GLP2R: variants seen among roughly 807,000 people sequenced by gnomAD.
The protein encoded by GLP2R is glucagon like peptide 2 receptor.
GLP2R carries 59 observed loss-of-function variants against 68.2 expected under a neutral mutation model. The observed-to-expected ratio is 0.87, with a 90% confidence interval of 0.70 to 1.07. The LOEUF (loss-of-function observed/expected upper bound fraction) is 1.07, where lower values mean the gene tolerates loss of function less well. GLP2R is among the 50% of genes least tolerant of loss of function. GLP2R has a pLI of 0.00. For missense variants in GLP2R, 548 were observed against 677.4 expected, an observed-to-expected ratio of 0.81 and a Z score of 2.12; for synonymous variants, 270 against 265.4, an observed-to-expected ratio of 1.02 and a Z score of -0.17.
chr17:9,881,880 A>G (rs900867585), intron 11 of GLP2R, among the ~76,000 whole-genome samples: 4 of 152,202 alleles, frequency 2.6e-5, no homozygotes, highest in African/African-American at 4.8e-5. Flanking sequence ...GCAGGTCTTC[A>G]TAGAGTAGTT....
Position 9,859,575 on chromosome 17 carries a change from G to A in GLP2R, c.766-367G>A, listed in dbSNP as rs575361170. ...TGGGAGGCCAGGGCGGGTGGATCACGAGGTCAGGAGATCGAGACCATCCTG... is the reference window on the plus strand; with the variant it reads ...TGGGAGGCCAGGGCGGGTGGATCACAAGGTCAGGAGATCGAGACCATCCTG... On this transcript the variant is annotated intron_variant, in intron 6 of 12. Transcript: ENST00000262441. 5.3e-5 allele frequency among the ~76,000 whole-genome samples: 8 copies of A among 151,494 alleles called. No individual in the cohort carries two copies. The South Asian group carries it at 6.2e-4, about 12-fold the overall frequency.
Position 9,840,252 on chromosome 17 carries a change from G to A in GLP2R, c.383-2243G>A, listed in dbSNP as rs562128100. On this transcript the variant is annotated intron_variant, in intron 3 of 12. Coordinates refer to ENST00000262441, the MANE Select transcript of GLP2R (RefSeq NM_004246.3). ...GGCCTCCCAAAATGCTGGGATTACA[G>A]GCGTGAGCCACCGCACCCGGCCTCT... 1.7e-3 allele frequency among the ~76,000 whole-genome samples: 264 copies of A among 152,348 alleles called. 2 individuals are homozygous for A. The highest frequency in any genetic ancestry group is 6.1e-3 in the African/African-American group (253 of 41,590).
intron 3 of GLP2R, among the ~76,000 whole-genome samples, chr17:9,840,570 C>T (rs2066777110): frequency 6.6e-6 from 1 of 152,224 alleles, no homozygotes; most frequent in South Asian, 2.1e-4. Context: ...GGCTTACATT[C>T]TTGCAGGAGA....
chr17:9,868,626 G>A (rs1486738180), intron 9 of GLP2R, among the ~76,000 whole-genome samples: 1 of 152,104 alleles, frequency 6.6e-6, no homozygotes, highest in Non-Finnish European at 1.5e-5. Flanking sequence ...TTGTCTTCTT[G>A]GAAGCCCAGA....
chr17:9,880,630 C>T lies in GLP2R; in HGVS notation c.1284+114C>T, dbSNP rs2067186701. Reference sequence around the variant, plus strand: ...GATGAAAATAGAATTGTAGCATCAGCAGCCTTTATCAGTAAGGGCCCTTGG... The same window carrying T: ...GATGAAAATAGAATTGTAGCATCAGTAGCCTTTATCAGTAAGGGCCCTTGG... On this transcript the variant is annotated intron_variant, in intron 11 of 12. Coordinates refer to ENST00000262441, the MANE Select transcript of GLP2R (RefSeq NM_004246.3). 11 of 668,766 alleles carry T rather than the reference C, an allele frequency of 1.6e-5. No homozygotes were observed. The East Asian group carries it at 2.7e-4, about 16-fold the overall frequency. The allele number at this position is 668,766 out of a possible 1,614,324, so 41.4% of individuals were successfully genotyped here. A position where few individuals can be genotyped will look rare whatever the true frequency, so the allele number is the denominator to read the frequency against.
chr17:9,858,478 A>G (rs1251303089), intron 6 of GLP2R, among the ~76,000 whole-genome samples: 3 of 152,222 alleles, frequency 2.0e-5, no homozygotes, highest in Non-Finnish European at 4.4e-5. Flanking sequence ...TGGGGATCAA[A>G]TTTGTGCTAG....
intron 7 of GLP2R, among the ~76,000 whole-genome samples, chr17:9,860,757 A>AT (rs1567729004): frequency 6.6e-6 from 1 of 152,190 alleles, no homozygotes; most frequent in Non-Finnish European, 1.5e-5. Flanking sequence ...GAGTTTTCTG[A>AT]TTAAAAAAAT....
intron 1 of GLP2R, among the ~76,000 whole-genome samples, chr17:9,828,561 C>G (rs1339436007): frequency 1.3e-5 from 2 of 152,174 alleles, no homozygotes; most frequent in Non-Finnish European, 2.9e-5. Context: ...ACACAAGCCT[C>G]TGAGAAGAGT....
At chr17:9,832,410 T>C (rs2066688850) in intron 1 of GLP2R, among the ~76,000 whole-genome samples, 1 of 152,042 alleles carries the variant, frequency 6.6e-6, no homozygotes, top group East Asian at 1.9e-4. Context: ...CTGTCTCTAC[T>C]AAAAATACAA....
chr17:9,886,049 C>G (rs548690417), intron 11 of GLP2R, among the ~76,000 whole-genome samples: 1 of 152,194 alleles, frequency 6.6e-6, no homozygotes, highest in African/African-American at 2.4e-5. Flanking sequence ...ATACTCCTGC[C>G]GTGTTTCTCT....
At chr17:9,879,986 A>C (rs2067180883) in intron 10 of GLP2R, among the ~76,000 whole-genome samples, 1 of 152,212 alleles carries the variant, frequency 6.6e-6, no homozygotes, top group Admixed American at 6.5e-5. Context: ...GGAGTAAAGA[A>C]AGAGATAGAT....
At chr17:9,884,174 T>A (rs2067221183) in intron 11 of GLP2R, among the ~76,000 whole-genome samples, 1 of 152,218 alleles carries the variant, frequency 6.6e-6, no homozygotes, top group Non-Finnish European at 1.5e-5. Flanking sequence ...AAATAGATTG[T>A]GTTAAGATGC....
At chr17:9,855,297 G>A (rs769138904) in intron 5 of GLP2R, among the ~76,000 whole-genome samples, 55 of 152,174 alleles carry the variant, frequency 3.6e-4, no homozygotes, top group Non-Finnish European at 7.3e-4. Flanking sequence ...GAAAGGGATG[G>A]CAATGTCCCA....
At chr17:9,847,919 G>A (rs73974311) in intron 4 of GLP2R, among the ~76,000 whole-genome samples, 3 of 152,162 alleles carry the variant, frequency 2.0e-5, no homozygotes, top group Admixed American at 1.3e-4. Flanking sequence ...GGAGGCTGAG[G>A]CGGGAGGGCT....
In GLP2R at chr17:9,828,003, G is replaced by A. The variant is rs536901331; in HGVS notation, c.189+1751G>A. On this transcript the variant is annotated intron_variant, in intron 1 of 12. Coordinates refer to ENST00000262441, the MANE Select transcript of GLP2R (RefSeq NM_004246.3). The stretch of plus-strand genomic sequence containing the variant: ...AAAGGAATGGCTGTCTTCCTCCTTC[G>A]TTCCATGGGCAGGGTGAGTCCCTGT... Among the ~76,000 whole-genome samples, 35 of 148,084 alleles carry A rather than the reference G, an allele frequency of 2.4e-4. No homozygotes were observed. The East Asian group carries it at 3.0e-3, about 13-fold the overall frequency.
chr17:9,865,693 C>T (rs1412257290), intron 9 of GLP2R: 3 of 386,936 alleles, frequency 7.8e-6, no homozygotes, highest in Admixed American at 3.5e-5. Flanking sequence ...AAACTGAGTC[C>T]TTTATTAATC....
At chr17:9,837,989 A>T (rs946362227) in intron 3 of GLP2R, among the ~76,000 whole-genome samples, 1 of 152,168 alleles carries the variant, frequency 6.6e-6, no homozygotes, top group African/African-American at 2.4e-5. Context: ...TAGAAGGAAG[A>T]TACATTTCTG....
At chr17:9,849,742 A>G (rs1405758744) in intron 4 of GLP2R, among the ~76,000 whole-genome samples, 3 of 150,132 alleles carry the variant, frequency 2.0e-5, no homozygotes, top group Non-Finnish European at 4.4e-5. Flanking sequence ...CCTCCCGAGT[A>G]GCTGGGACTA....
rs1307657824 is a variant in GLP2R at position 9,860,022 on chromosome 17, C to T, written c.846C>T (p.Gly282=). The T allele has an allele frequency of 3.7e-6, 6 of 1,613,614 alleles. No individual in the cohort carries two copies. Among genetic ancestry groups the T allele is most frequent in the Non-Finnish European group, 3.4e-6 (4 of 1,179,872 alleles). The change falls in exon 7 of 13, where the codon GGC becomes GGT. Residue 282 remains glycine, a synonymous_variant. Transcript: ENST00000262441. ...ATTACTTATGGCTGCTGGTTGAAGG[C>T]CTCTACCTCCACACGCTGCTGGAGC... ...GANYLWLLVE[G]LYLHTLLEPT...
Sources: allele counts gnomAD v4.1 joint callset (sites outside exome capture counted in the v4.1 genomes callset), GRCh38; gene constraint gnomAD v4.1.1; transcripts MANE v1.5; gene names NCBI Gene and HGNC (gene_info 2026-07-23, HGNC 2026-07-21).